Variants in STIM1 observed in about 807,000 individuals in gnomAD.
The protein encoded by STIM1 is stromal interaction molecule 1.
STIM1 carries 25 observed loss-of-function variants against 74.7 expected under a neutral mutation model. The observed-to-expected ratio is 0.33, with a 90% confidence interval of 0.24 to 0.47. The LOEUF (loss-of-function observed/expected upper bound fraction) is 0.47, where lower values mean the gene tolerates loss of function less well. STIM1 is among the 20% of genes least tolerant of loss of function. The pLI is 1.00. For missense variants in STIM1, 728 were observed against 920.8 expected (o/e 0.79, Z 2.71); for synonymous variants, 328 against 348.8 (o/e 0.94, Z 0.66).
chr11:4,090,656 A>G (rs2094518677), intron 12 of STIM1, among the ~76,000 whole-genome samples: 2 of 152,224 alleles, frequency 1.3e-5, no homozygotes, highest in Non-Finnish European at 2.9e-5. Flanking sequence ...AAGGTGTGAC[A>G]GGAGTAAGTG....
chr11:4,029,484 C>T (rs1590660399), intron 3 of STIM1, among the ~76,000 whole-genome samples: 1 of 150,454 alleles, frequency 6.6e-6, no homozygotes, highest in Non-Finnish European at 1.5e-5. Flanking sequence ...TCCCACATCC[C>T]GAAGATGTGC....
At chr11:3,888,915 A>T (rs912915734) in intron 1 of STIM1, among the ~76,000 whole-genome samples, 1 of 151,798 alleles carries the variant, frequency 6.6e-6, no homozygotes, top group African/African-American at 2.4e-5. Flanking sequence ...TTTTCTTGTC[A>T]TCTTGACTGC....
chr11:4,053,259 C>T (rs2094258466), intron 3 of STIM1, among the ~76,000 whole-genome samples: 2 of 152,210 alleles, frequency 1.3e-5, no homozygotes, highest in African/African-American at 4.8e-5. Flanking sequence ...ATAAATCATG[C>T]TGCTATAAAG....
At chr11:3,878,225 G>A (rs2091371046) in intron 1 of STIM1, among the ~76,000 whole-genome samples, 1 of 152,146 alleles carries the variant, frequency 6.6e-6, no homozygotes. Context: ...GGAACGAAGA[G>A]ACAGAGGGAA....
At chr11:3,927,435 T>C (rs919946153) in intron 1 of STIM1, among the ~76,000 whole-genome samples, 4 of 152,244 alleles carry the variant, frequency 2.6e-5, no homozygotes, top group African/African-American at 9.6e-5. Context: ...GTTTTGTGTA[T>C]AATGCCAAAG....
chr11:4,066,970 C>G (rs900504045), intron 5 of STIM1, among the ~76,000 whole-genome samples: 2 of 152,196 alleles, frequency 1.3e-5, no homozygotes, highest in Non-Finnish European at 2.9e-5. Flanking sequence ...TGGGGTACAG[C>G]CTAGGGCTCT....
rs1178727047 is a variant in STIM1 at position 4,083,359 on chromosome 11, T to C, written c.1335T>C (p.Pro445=). The C allele has an allele frequency of 1.2e-6, 2 of 1,614,236 alleles. No individual in the cohort carries two copies. Among genetic ancestry groups the C allele is most frequent in the Admixed American group, 1.7e-5 (1 of 60,034 alleles). Residue 445 remains proline, a synonymous_variant, in exon 10 of 13, where the codon CCT becomes CCC. Transcript: ENST00000526596. ...ILCGFQIVNN[P]GIHSLVAALN... ...GTGGCTTCCAGATTGTCAACAACCC[T>C]GGCATCCACTCACTGGTGGCTGCCC...
At chr11:4,001,734 C>T (rs1192482029) in intron 2 of STIM1, among the ~76,000 whole-genome samples, 6 of 149,970 alleles carry the variant, frequency 4.0e-5, no homozygotes, top group African/African-American at 1.2e-4. Context: ...TCACACATAA[C>T]AATATTAACT....
intron 1 of STIM1, among the ~76,000 whole-genome samples, chr11:3,879,460 ATCT>A (rs1188225887): frequency 6.6e-6 from 1 of 152,162 alleles, no homozygotes; most frequent in African/African-American, 2.4e-5. Context: ...GTGGACATTA[ATCT>A]TCTCCCCAGC....
intron 1 of STIM1, among the ~76,000 whole-genome samples, chr11:3,962,358 G>T (rs895753419): frequency 1.3e-5 from 2 of 151,944 alleles, no homozygotes; most frequent in Non-Finnish European, 2.9e-5. Context: ...CTGTTTCTCA[G>T]TTGTTTCACT....
At chr11:4,060,036 G>T (rs137978528) in intron 5 of STIM1, among the ~76,000 whole-genome samples, 113 of 152,242 alleles carry the variant, frequency 7.4e-4, no homozygotes, top group African/African-American at 2.6e-3. Context: ...GAACATCTTT[G>T]TATTATTGAA....
Position 4,083,242 on chromosome 11 carries a change from TTC to T in STIM1, c.1239-17_1239-16del, listed in dbSNP as rs1481386453. On this transcript the variant is annotated intron_variant, in intron 9 of 12. Coordinates refer to ENST00000526596, the MANE Select transcript of STIM1 (RefSeq NM_001382567.1). ...GCTCACACCAAGTCCATGCCTGCAG[TTC>T]TCTTTCCTCTGTCTTCAGGCAAGCA... is the stretch of plus-strand genomic sequence containing the variant. 1 of 1,612,568 alleles carries T rather than the reference TTC, an allele frequency of 6.2e-7. No individual in the cohort carries two copies. Among genetic ancestry groups the T allele is most frequent in the Non-Finnish European group, 8.5e-7 (1 of 1,178,748 alleles).
At chr11:3,993,388 G>A (rs1426214603) in intron 2 of STIM1, among the ~76,000 whole-genome samples, 1 of 152,200 alleles carries the variant, frequency 6.6e-6, no homozygotes, top group African/African-American at 2.4e-5. Context: ...TGGGCGTGAT[G>A]GCTCAAGCCT....
At chr11:3,856,493 T>A in intron 1 of STIM1, 84 bp downstream of exon 1, 4 of 1,518,678 alleles carry the variant, frequency 2.6e-6, no homozygotes, top group Non-Finnish European at 2.7e-6. Context: ...GAAATCTAGG[T>A]TTGTACATGT....
At chr11:3,984,631 G>T (rs976957283) in intron 2 of STIM1, among the ~76,000 whole-genome samples, 4 of 152,166 alleles carry the variant, frequency 2.6e-5, no homozygotes. Flanking sequence ...CCTAACTTTT[G>T]TGAGTTTATT....
intron 1 of STIM1, among the ~76,000 whole-genome samples, chr11:3,963,074 T>C (rs1469224397): frequency 6.6e-6 from 1 of 152,202 alleles, no homozygotes; most frequent in African/African-American, 2.4e-5. Flanking sequence ...ATTAACGCAA[T>C]GTAGGTAATT....
chr11:4,084,444 C>T (rs917877045), intron 10 of STIM1, among the ~76,000 whole-genome samples: 6 of 152,154 alleles, frequency 3.9e-5, no homozygotes, highest in Admixed American at 1.3e-4. Flanking sequence ...TCTGATAACT[C>T]GTTAGGCCTT....
At chr11:4,080,343 C>G (rs570214221) in intron 7 of STIM1, among the ~76,000 whole-genome samples, 5 of 152,330 alleles carry the variant, frequency 3.3e-5, no homozygotes, top group Non-Finnish European at 7.3e-5. Flanking sequence ...CTCTGACTTG[C>G]CCATCTCTTG....
intron 1 of STIM1, among the ~76,000 whole-genome samples, chr11:3,941,258 C>G (rs1035163791): frequency 6.6e-6 from 1 of 152,012 alleles, no homozygotes; most frequent in Non-Finnish European, 1.5e-5. Context: ...ATCTACAGTT[C>G]GAAGACTTCT....
Sources: gnomAD v4.1 joint callset for allele counts (sites outside exome capture counted in the v4.1 genomes callset) on GRCh38, gnomAD v4.1.1 for gene constraint, MANE v1.5 for transcripts, NCBI Gene and HGNC (gene_info 2026-07-23, HGNC 2026-07-21) for gene names.